Variants in THSD7B observed in about 807,000 individuals in gnomAD.
THSD7B encodes thrombospondin type 1 domain containing 7B.
A neutral mutation model predicts 213.6 loss-of-function variants in THSD7B; 138 were observed. That is an observed-to-expected ratio of 0.65 (90% CI 0.56 to 0.74). The LOEUF (loss-of-function observed/expected upper bound fraction) is 0.74. Among genes scored for constraint, THSD7B ranks in the 30% least tolerant of loss-of-function variants. The pLI is 0.00. For missense variants in THSD7B, 1,931 were observed against 1,991.5 expected (o/e 0.97, Z 0.58); for synonymous variants, 742 against 687.0 (o/e 1.08, Z -1.25).
At chr2:137,418,950 C>T (rs1057514848) in intron 14 of THSD7B, among the ~76,000 whole-genome samples, 1 of 151,816 alleles carries the variant, frequency 6.6e-6, no homozygotes, top group Non-Finnish European at 1.5e-5. Context: ...CTCTGTCACC[C>T]AGGCTGGAGT....
At chr2:137,489,396 C>G (rs1181135504) in intron 15 of THSD7B, among the ~76,000 whole-genome samples, 1 of 151,012 alleles carries the variant, frequency 6.6e-6, no homozygotes, top group African/African-American at 2.4e-5. Flanking sequence ...GGCACTCCAG[C>G]CTGGTGAGAG....
chr2:137,434,603 G>C (rs908979420), intron 14 of THSD7B, among the ~76,000 whole-genome samples: 7 of 152,208 alleles, frequency 4.6e-5, no homozygotes, highest in African/African-American at 7.2e-5. Context: ...TAGTGATGCT[G>C]TTCAGCACTC....
At chr2:137,340,981 G>GTTTTTT (rs70978213) in intron 12 of THSD7B, among the ~76,000 whole-genome samples, 2 of 98,660 alleles carry the variant, frequency 2.0e-5, no homozygotes, top group African/African-American at 6.8e-5. Flanking sequence ...TTCTCTTTTT[G>GTTTTTT]TTTTTTTTTT....
At chr2:137,031,734 CAA>C (rs1686673102) in intron 2 of THSD7B, among the ~76,000 whole-genome samples, 1 of 151,694 alleles carries the variant, frequency 6.6e-6, no homozygotes, top group African/African-American at 2.4e-5. Flanking sequence ...AGAAGCATAA[CAA>C]AATGTATTTA....
intron 2 of THSD7B, among the ~76,000 whole-genome samples, chr2:137,038,272 A>G (rs560473185): frequency 5.4e-4 from 82 of 152,300 alleles, no homozygotes; most frequent in Non-Finnish European, 9.7e-4. Flanking sequence ...GATTTTTTAA[A>G]ACATCTTATT....
At chr2:136,966,211 T>C (rs1357564388) in intron 2 of THSD7B, among the ~76,000 whole-genome samples, 1 of 102,538 alleles carries the variant, frequency 9.8e-6, no homozygotes, top group African/African-American at 3.8e-5. Context: ...TTCATATTAA[T>C]TCTTCCTAAA....
intron 15 of THSD7B, among the ~76,000 whole-genome samples, chr2:137,476,759 C>T (rs565410797): frequency 3.9e-5 from 6 of 152,184 alleles, no homozygotes; most frequent in Middle Eastern, 3.4e-3. Flanking sequence ...AGGCTGATTT[C>T]GAACTGCTGA....
chr2:137,395,671 G>A (rs1686162953), intron 12 of THSD7B, among the ~76,000 whole-genome samples: 2 of 152,160 alleles, frequency 1.3e-5, no homozygotes, highest in African/African-American at 2.4e-5. Flanking sequence ...AATGATGCTG[G>A]CCTCATACAA....
At chr2:137,486,337 G>T (rs887889601) in intron 15 of THSD7B, among the ~76,000 whole-genome samples, 1 of 146,670 alleles carries the variant, frequency 6.8e-6, no homozygotes, top group African/African-American at 2.5e-5. Flanking sequence ...AAAGGCAGGA[G>T]TTGCAATCCT....
intron 15 of THSD7B, among the ~76,000 whole-genome samples, chr2:137,553,145 C>CTTTGAACTTG (rs1680883233): frequency 6.6e-6 from 1 of 152,120 alleles, no homozygotes; most frequent in Non-Finnish European, 1.5e-5. Context: ...CCAGATGGGC[C>CTTTGAACTTG]TTTGAACTTG....
chr2:137,404,893 A>G (rs1354064202), intron 12 of THSD7B, among the ~76,000 whole-genome samples: 1 of 152,024 alleles, frequency 6.6e-6, no homozygotes, highest in Non-Finnish European at 1.5e-5. Context: ...AAGACAACAA[A>G]TATGGTGCAG....
chr2:137,446,547 C>T (rs1448983301), intron 14 of THSD7B, among the ~76,000 whole-genome samples: 1 of 151,970 alleles, frequency 6.6e-6, no homozygotes, highest in East Asian at 1.9e-4. Flanking sequence ...TGAGCATCTA[C>T]TATGTATAAT....
At chr2:137,147,597 G>A (rs1192822026) in intron 5 of THSD7B, among the ~76,000 whole-genome samples, 2 of 151,908 alleles carry the variant, frequency 1.3e-5, no homozygotes, top group African/African-American at 2.4e-5. Flanking sequence ...GTTTTTGGAG[G>A]AGAATGTTAT....
At position 137,618,462 on chromosome 2, in the gene THSD7B, T is replaced by C; in HGVS notation, c.3636T>C (p.Cys1212=). Reference sequence around the variant, plus strand: ...GCGTCAGGACCCGCCTGCTAAGCTGTGTGTGCAGTGATGGCAAGCCAGTCA... The same window carrying C: ...GCGTCAGGACCCGCCTGCTAAGCTGCGTGTGCAGTGATGGCAAGCCAGTCA... ...GQGVRTRLLS[C]VCSDGKPVSM... is the part of the protein sequence containing the mutation. Residue 1212 remains cysteine (C), a synonymous_variant, in exon 19 of 28, where the codon TGT becomes TGC. Transcript: ENST00000409968. 1 of 1,613,854 alleles carries C rather than the reference T, an allele frequency of 6.2e-7. No homozygotes were observed. Among genetic ancestry groups the C allele is most frequent in the Non-Finnish European group, 8.5e-7 (1 of 1,179,844 alleles).
intron 2 of THSD7B, among the ~76,000 whole-genome samples, chr2:136,961,648 C>T (rs1558868517): frequency 6.6e-6 from 1 of 152,088 alleles, no homozygotes; most frequent in Non-Finnish European, 1.5e-5. Context: ...CAAGGAGGAA[C>T]TTATTACAGA....
At chr2:137,489,190 G>A (rs1264703608) in intron 15 of THSD7B, among the ~76,000 whole-genome samples, 2 of 152,080 alleles carry the variant, frequency 1.3e-5, no homozygotes, top group Non-Finnish European at 2.9e-5. Context: ...ACTTTGGGAG[G>A]CTGAGGCTGG....
intron 7 of THSD7B, among the ~76,000 whole-genome samples, chr2:137,199,896 G>A (rs1680842181): frequency 6.6e-6 from 1 of 152,122 alleles, no homozygotes; most frequent in Admixed American, 6.5e-5. Flanking sequence ...AGGCCAGGTG[G>A]CTAGAATGAT....
chr2:137,055,971 A>G (rs1420458206), intron 2 of THSD7B, among the ~76,000 whole-genome samples: 1 of 151,728 alleles, frequency 6.6e-6, no homozygotes, highest in Admixed American at 6.5e-5. Context: ...CTTTATTAAA[A>G]TCCTGGCTTT....
chr2:137,588,069 A>G (rs953801147), intron 17 of THSD7B, among the ~76,000 whole-genome samples: 1 of 152,154 alleles, frequency 6.6e-6, no homozygotes, highest in Non-Finnish European at 1.5e-5. Context: ...GCCCCCTTGC[A>G]GTTTGATCTC....
Sources: allele counts gnomAD v4.1 joint callset (sites outside exome capture counted in the v4.1 genomes callset), GRCh38; gene constraint gnomAD v4.1.1; transcripts MANE v1.5; gene names NCBI Gene and HGNC (gene_info 2026-07-23, HGNC 2026-07-21).